Variants in DAB1 observed in about 807,000 individuals in gnomAD.
The protein encoded by DAB1 is disabled homolog 1.
DAB1 carries 15 observed loss-of-function variants against 64.6 expected under a neutral mutation model. The ratio of observed to expected loss-of-function variants is 0.23; its 90% CI spans 0.16 to 0.36. The LOEUF (loss-of-function observed/expected upper bound fraction) is 0.36, where lower values mean the gene tolerates loss of function less well. Ranked by LOEUF, DAB1 falls within the 10% of genes least tolerant of loss-of-function variation. The pLI is 1.00. For synonymous variants in DAB1, 235 were observed against 251.9 expected, an observed-to-expected ratio of 0.93 and a Z score of 0.64; for missense variants, 596 against 706.7, an observed-to-expected ratio of 0.84 and a Z score of 1.78.
chr1:58,019,966 C>T (rs1202513859), intron 5 of DAB1, among the ~76,000 whole-genome samples: 19 of 152,150 alleles, frequency 1.2e-4, no homozygotes, highest in Non-Finnish European at 4.4e-5. Context: ...AATATGTTCT[C>T]TTTATTTCTT....
chr1:57,548,616 CA>C (rs1644881063), intron 7 of DAB1, among the ~76,000 whole-genome samples: 1 of 152,210 alleles, frequency 6.6e-6, no homozygotes, highest in East Asian at 1.9e-4. Flanking sequence ...GAGGACTTAA[CA>C]GTATTTTCTC....
At chr1:57,372,519 C>T (rs569460610) in intron 1 of DAB1, among the ~76,000 whole-genome samples, 131 of 152,308 alleles carry the variant, frequency 8.6e-4, no homozygotes, top group African/African-American at 2.7e-3. Flanking sequence ...TGAGGCCCAA[C>T]TCATATTTAT....
chr1:58,298,001 C>T (rs539514777), intron 4 of DAB1, among the ~76,000 whole-genome samples: 34 of 152,184 alleles, frequency 2.2e-4, no homozygotes, highest in East Asian at 1.7e-3. Context: ...ACCCTAAAAG[C>T]GCTTTCAAGT....
intron 1 of DAB1, among the ~76,000 whole-genome samples, chr1:57,400,674 C>A (rs1404550026): frequency 6.6e-6 from 1 of 151,534 alleles, no homozygotes; most frequent in Non-Finnish European, 1.5e-5. Flanking sequence ...TCTCACGTAT[C>A]CTGGCCTGTT....
At chr1:58,434,196 G>A (rs1288878785) in intron 3 of DAB1, among the ~76,000 whole-genome samples, 2 of 152,138 alleles carry the variant, frequency 1.3e-5, no homozygotes, top group Admixed American at 1.3e-4. Flanking sequence ...TTACTACTGT[G>A]TTGAGAACAG....
intron 1 of DAB1, chr1:58,539,178 A>G: frequency 1.1e-6 from 1 of 872,958 alleles, no homozygotes; most frequent in South Asian, 1.3e-5. Flanking sequence ...CTTGTACTTG[A>G]TGACAGCCCC....
At chr1:57,719,423 TG>T (rs1430095470) in intron 6 of DAB1, among the ~76,000 whole-genome samples, 2 of 152,212 alleles carry the variant, frequency 1.3e-5, no homozygotes, top group East Asian at 1.9e-4. Flanking sequence ...AGTTCAGATG[TG>T]GTCTCCTAAC....
intron 6 of DAB1, among the ~76,000 whole-genome samples, chr1:57,695,364 G>GA (rs1557427766): frequency 7.5e-5 from 3 of 40,180 alleles, no homozygotes; most frequent in African/African-American, 5.2e-4. Context: ...AAAGAAAGAA[G>GA]AAAGAAAGAA....
chr1:58,502,284 A>G (rs1048156140), intron 3 of DAB1, among the ~76,000 whole-genome samples: 2 of 152,140 alleles, frequency 1.3e-5, no homozygotes, highest in African/African-American at 4.8e-5. Flanking sequence ...TGCTTTCTTG[A>G]TTTCCTATGA....
intron 2 of DAB1, among the ~76,000 whole-genome samples, chr1:57,185,823 C>T (rs908915757): frequency 6.6e-6 from 1 of 152,106 alleles, no homozygotes; most frequent in African/African-American, 2.4e-5. Context: ...AGTACCAGGA[C>T]ACTGTATCTC....
rs555644195 is a variant in DAB1, at chr1:57,290,710, A to T, written c.67+254T>A. 4.6e-5 allele frequency among the ~76,000 whole-genome samples: 7 copies of T among 152,330 alleles called. No homozygotes were observed. In the South Asian group the frequency reaches 1.4e-3, roughly 32 times the overall value. ...ACACAAAATTACTATTTAAAAATAT[A>T]TGTGATCATAAAGATACTCCTTTAT... On this transcript the variant is annotated intron_variant, in intron 2 of 14. Coordinates refer to ENST00000371236, the MANE Select transcript of DAB1 (RefSeq NM_001365792.1).
intron 4 of DAB1, among the ~76,000 whole-genome samples, chr1:58,253,945 G>T (rs1051571026): frequency 3.9e-5 from 6 of 152,172 alleles, no homozygotes; most frequent in African/African-American, 1.4e-4. Context: ...AATCAAATGA[G>T]ATAATGCAGA....
chr1:58,526,106 T>A (rs1646345659), intron 2 of DAB1, among the ~76,000 whole-genome samples: 1 of 152,104 alleles, frequency 6.6e-6, no homozygotes, highest in African/African-American at 2.4e-5. Context: ...AAAGATTTCC[T>A]AACCAGAACA....
chr1:57,000,339 A>C (rs187614551), intron 14 of DAB1, among the ~76,000 whole-genome samples: 226 of 152,186 alleles, frequency 1.5e-3, no homozygotes, highest in African/African-American at 5.1e-3. Flanking sequence ...CCACCGCGCC[A>C]GGCCTCCTTC....
At chr1:58,119,885 G>C (rs954335955) in intron 5 of DAB1, among the ~76,000 whole-genome samples, 1 of 152,090 alleles carries the variant, frequency 6.6e-6, no homozygotes, top group African/African-American at 2.4e-5. Context: ...TGCGCTTGTG[G>C]GACTCTAGAC....
At chr1:57,762,888 C>G (rs1649147608) in intron 6 of DAB1, among the ~76,000 whole-genome samples, 1 of 152,222 alleles carries the variant, frequency 6.6e-6, no homozygotes, top group Admixed American at 6.5e-5. Flanking sequence ...TTCGAAGCAA[C>G]TATTCATTCC....
At chr1:57,635,914 T>G (rs913542271) in intron 7 of DAB1, among the ~76,000 whole-genome samples, 25 of 151,270 alleles carry the variant, frequency 1.7e-4, no homozygotes, top group African/African-American at 5.8e-4. Flanking sequence ...GCTAATACGG[T>G]GAAACCCCGT....
intron 3 of DAB1, among the ~76,000 whole-genome samples, chr1:58,404,842 G>A (rs1246769178): frequency 2.6e-5 from 4 of 152,136 alleles, no homozygotes; most frequent in Admixed American, 1.3e-4. Context: ...GTCCAGGGAG[G>A]AGGAGTCCAT....
intron 6 of DAB1, among the ~76,000 whole-genome samples, chr1:57,701,309 G>A (rs2101730714): frequency 6.6e-6 from 1 of 152,218 alleles, no homozygotes; most frequent in South Asian, 2.1e-4. Flanking sequence ...CAACCCAAAT[G>A]TCCAACAATG....
Sources: gnomAD v4.1 joint callset for allele counts (sites outside exome capture counted in the v4.1 genomes callset) on GRCh38, gnomAD v4.1.1 for gene constraint, MANE v1.5 for transcripts, NCBI Gene and HGNC (gene_info 2026-07-23, HGNC 2026-07-21) for gene names.